ICAM2: variants seen among roughly 807,000 people sequenced by gnomAD.
ICAM2 encodes the protein intercellular adhesion molecule 2.
A neutral mutation model predicts 19.1 loss-of-function variants in ICAM2; 14 were observed. The ratio of observed to expected loss-of-function variants is 0.73; its 90% CI spans 0.48 to 1.15. ICAM2 has a LOEUF of 1.15. Ranked by LOEUF, ICAM2 falls within the 50% of genes most tolerant of loss-of-function variation. ICAM2 has a pLI of 0.00. For missense variants in ICAM2, 311 were observed against 355.4 expected, an observed-to-expected ratio of 0.88 and a Z score of 1.00; for synonymous variants, 153 against 152.7, an observed-to-expected ratio of 1.00 and a Z score of -0.01.
At chr17:64,015,880 T>A (rs1245887919) in intron 1 of ICAM2, among the ~76,000 whole-genome samples, 1 of 152,144 alleles carries the variant, frequency 6.6e-6, no homozygotes, top group African/African-American at 2.4e-5. Flanking sequence ...TATTATTTTT[T>A]TTAGAAATGG....
intron 4 of ICAM2, 192 bp downstream of exon 4, chr17:64,003,452 C>G: frequency 1.6e-6 from 1 of 610,880 alleles, no homozygotes; most frequent in African/African-American, 1.9e-5. Context: ...CTCTCCCGAC[C>G]TCTGGAGCAG....
intron 4 of ICAM2, chr17:64,003,216 G>A (rs536378655): frequency 8.8e-6 from 4 of 457,140 alleles, no homozygotes; most frequent in Middle Eastern, 6.0e-4. Flanking sequence ...GCTGGACACC[G>A]TGGCCTGGAG....
chr17:64,009,636 A>G (rs1047235626), intron 1 of ICAM2, among the ~76,000 whole-genome samples: 20 of 152,136 alleles, frequency 1.3e-4, no homozygotes, highest in Non-Finnish European at 2.6e-4. Context: ...GGCTTGCCCT[A>G]CAAAATGTCC....
Position 64,008,264 on chromosome 17 carries a change from G to A in ICAM2, c.-44-1529C>T, listed in dbSNP as rs533131649. ...AGAACAGGGTGGAGTTTCACCCCCA[G>A]CCTGAAGGAATCTGATTTCATGTGG... On this transcript the variant is annotated intron_variant, in intron 1 of 4. Coordinates refer to ENST00000579788, the MANE Select transcript of ICAM2 (RefSeq NM_001099789.2). 3.3e-5 allele frequency among the ~76,000 whole-genome samples: 5 copies of A among 152,262 alleles called. No homozygotes were observed. In the East Asian group the frequency reaches 9.7e-4, roughly 29 times the overall value.
rs917341998 is a variant in ICAM2 at position 64,003,810 on chromosome 17, G to A, written c.483C>T (p.Phe161=). The A allele has an allele frequency of 1.8e-5, 29 of 1,614,104 alleles. No homozygotes were observed. The African/African-American group carries it at 2.3e-4, about 13-fold the overall frequency. The change falls in exon 4 of 5, where the codon TTC becomes TTT. Residue 161 remains phenylalanine (F), a synonymous_variant. Coordinates refer to ENST00000579788, the MANE Select transcript of ICAM2 (RefSeq NM_001099789.2). ...CCTGCGGAGCAGGGGCTGCCTTCCC[G>A]AAGGTCTCATAGTGCAGAGTCTCAT... is the stretch of plus-strand genomic sequence containing the variant. ...RGNETLHYET[F]GKAAPAPQEA...
chr17:64,003,614 TCC>T, intron 4 of ICAM2, 28 bp downstream of exon 4: 1 of 1,593,444 alleles, frequency 6.3e-7, no homozygotes, highest in Non-Finnish European at 8.6e-7. Flanking sequence ...GACTTATCAC[TCC>T]CAACTCCATC....
chr17:64,004,531 GA>G (rs2070143273), intron 3 of ICAM2: 1 of 170,850 alleles, frequency 5.9e-6, no homozygotes, highest in Non-Finnish European at 1.3e-5. Flanking sequence ...CCCACCCCGA[GA>G]AAATATGTTG....
intron 1 of ICAM2, among the ~76,000 whole-genome samples, chr17:64,016,689 A>T (rs1039492941): frequency 6.6e-6 from 1 of 152,202 alleles, no homozygotes; most frequent in African/African-American, 2.4e-5. Context: ...CTGCAACATC[A>T]GTCACCCTCC....
intron 1 of ICAM2, among the ~76,000 whole-genome samples, chr17:64,019,686 C>T (rs6504195): frequency 0.86 from 131,051 of 151,904 alleles, 59,946 homozygotes; most frequent in East Asian, 1. Context: ...TGGTGGCATG[C>T]GCACCTGTAG....
chr17:64,019,120 T>C (rs972494491), intron 1 of ICAM2, among the ~76,000 whole-genome samples: 1 of 152,220 alleles, frequency 6.6e-6, no homozygotes, highest in African/African-American at 2.4e-5. Context: ...ATCTTCCTCA[T>C]AGGGTTTTTG....
At chr17:64,014,333 A>AGGAAGGAAGGAG (rs60825186) in intron 1 of ICAM2, among the ~76,000 whole-genome samples, 3 of 45,790 alleles carry the variant, frequency 6.6e-5, no homozygotes, top group African/African-American at 2.2e-4. Flanking sequence ...GAAGGAAGGA[A>AGGAAGGAAGGAG]AGAAAGAAAG....
At chr17:64,003,608 TATCA>T in intron 4 of ICAM2, 32 bp downstream of exon 4, 1 of 1,576,306 alleles carries the variant, frequency 6.3e-7, no homozygotes, top group Non-Finnish European at 8.6e-7. Flanking sequence ...GAAAGTGACT[TATCA>T]CTCCCAACTC....
At chr17:64,017,650 T>C (rs1911766944) in intron 1 of ICAM2, among the ~76,000 whole-genome samples, 1 of 152,148 alleles carries the variant, frequency 6.6e-6, no homozygotes, top group South Asian at 2.1e-4. Context: ...AGGAAATGAA[T>C]AAGGTGAGGG....
At position 64,002,934 on chromosome 17, in the gene ICAM2, G is replaced by T. The variant is rs1910896460; in HGVS notation, c.650-9C>A. 6.2e-7 allele frequency: 1 copy of T among 1,612,300 alleles called. No homozygotes were observed. Among genetic ancestry groups the T allele is most frequent in the Admixed American group, 1.7e-5 (1 of 59,882 alleles). On this transcript the variant is annotated splice_polypyrimidine_tract_variant and intron_variant, in intron 4 of 4. Transcript: ENST00000579788. ...GCTGTCCGACACAGGCTCTGGGGAGGGAGGGGGCAAGGGTCTTAGACGTCC... is the reference window on the plus strand; with the variant it reads ...GCTGTCCGACACAGGCTCTGGGGAGTGAGGGGGCAAGGGTCTTAGACGTCC...
rs775730950 is a variant in ICAM2 at position 64,002,829 on chromosome 17, C to A, written c.746G>T (p.Gly249Val). ...CATCCGCTGCTGGCGCAAGTGCTGG[C>A]CGAAGATGAAGCAGAGCAGGACAGA... ...VTSVLLCFIF[G>V]QHLRQQRMGT... Residue 249 changes from glycine to valine, a missense_variant, in exon 5 of 5, where the codon GGC becomes GTC. By Grantham distance (109) the Gly-to-Val change is moderately radical. Coordinates refer to ENST00000579788, the MANE Select transcript of ICAM2 (RefSeq NM_001099789.2). The A allele has an allele frequency of 1.9e-6, 3 of 1,613,818 alleles. No homozygotes were observed. Among genetic ancestry groups the A allele is most frequent in the Non-Finnish European group, 2.5e-6 (3 of 1,180,012 alleles).
chr17:64,011,230 A>T (rs972541083), intron 1 of ICAM2, among the ~76,000 whole-genome samples: 2 of 152,182 alleles, frequency 1.3e-5, no homozygotes, highest in Admixed American at 6.6e-5. Context: ...TGGAAGGCCG[A>T]GGTGGGTGGA....
chr17:64,006,979 G>A (rs910696484), intron 1 of ICAM2: 78 of 473,254 alleles, frequency 1.6e-4, no homozygotes, highest in African/African-American at 1.5e-3. Flanking sequence ...GGCAATGGGT[G>A]CACGCATGCG....
chr17:64,014,204 T>C (rs1236613122), intron 1 of ICAM2, among the ~76,000 whole-genome samples: 1 of 151,644 alleles, frequency 6.6e-6, no homozygotes. Flanking sequence ...CCAGATGCAG[T>C]GGCTCATGCC....
intron 1 of ICAM2, among the ~76,000 whole-genome samples, chr17:64,010,769 C>T (rs1266052824): frequency 6.6e-6 from 1 of 151,848 alleles, no homozygotes; most frequent in African/African-American, 2.4e-5. Flanking sequence ...ATATTGTTTA[C>T]AATAATGGTA....
Sources: gnomAD v4.1 joint callset for allele counts (sites outside exome capture counted in the v4.1 genomes callset) on GRCh38, gnomAD v4.1.1 for gene constraint, MANE v1.5 for transcripts, NCBI Gene and HGNC (gene_info 2026-07-23, HGNC 2026-07-21) for gene names.